Variants in IQCM observed in about 807,000 individuals in gnomAD.
The protein encoded by IQCM is IQ motif containing M, also known as IQ domain-containing protein M.
In IQCM, 45 loss-of-function variants were observed where a neutral mutation model predicts 57.6. That is an observed-to-expected ratio of 0.78 (90% confidence interval 0.62 to 1.00). IQCM has a LOEUF of 1.00. Ranked by LOEUF, IQCM falls within the 50% of genes least tolerant of loss-of-function variation. The pLI is 0.00. For synonymous variants in IQCM, 148 were observed against 158.9 expected (o/e 0.93, Z 0.51); for missense variants, 468 against 511.6 (o/e 0.91, Z 0.82).
At chr4:149,579,710 A>G (rs998988191) in intron 9 of IQCM, among the ~76,000 whole-genome samples, 2 of 151,850 alleles carry the variant, frequency 1.3e-5, no homozygotes, top group Admixed American at 6.6e-5. Flanking sequence ...AAGTAATCCT[A>G]AAGAAAACAG....
At chr4:149,792,464 T>C (rs1772724378) in intron 2 of IQCM, among the ~76,000 whole-genome samples, 3 of 152,154 alleles carry the variant, frequency 2.0e-5, no homozygotes, top group Non-Finnish European at 2.9e-5. Context: ...TGTAAAGTAT[T>C]ATAATTTAAA....
intron 12 of IQCM, among the ~76,000 whole-genome samples, chr4:149,521,691 G>C (rs1745662423): frequency 6.6e-6 from 1 of 152,166 alleles, no homozygotes; most frequent in Non-Finnish European, 1.5e-5. Context: ...TGGACTAATT[G>C]GGTGTGACTG....
At chr4:149,733,116 T>C in intron 5 of IQCM, 128 bp downstream of exon 5, 1 of 856,688 alleles carries the variant, frequency 1.2e-6, no homozygotes, top group Non-Finnish European at 1.5e-6. Flanking sequence ...CAGGCCTCCC[T>C]ACCTTTCATT....
chr4:149,589,504 T>C (rs1752932151), intron 8 of IQCM, among the ~76,000 whole-genome samples: 2 of 152,026 alleles, frequency 1.3e-5, no homozygotes, highest in African/African-American at 4.8e-5. Flanking sequence ...CATACACTGA[T>C]TTCTAAAACA....
intron 13 of IQCM, among the ~76,000 whole-genome samples, chr4:149,362,728 T>C (rs1444697359): frequency 6.6e-6 from 1 of 152,174 alleles, no homozygotes; most frequent in East Asian, 1.9e-4. Context: ...ATACAACTAA[T>C]GTTGTTATAT....
intron 7 of IQCM, among the ~76,000 whole-genome samples, chr4:149,659,578 C>G (rs370621130): frequency 6.6e-6 from 1 of 152,132 alleles, no homozygotes; most frequent in South Asian, 2.1e-4. Context: ...TGACTTCAAA[C>G]TATACTACAA....
At chr4:149,718,280 T>C (rs1353646082) in intron 5 of IQCM, among the ~76,000 whole-genome samples, 1 of 152,228 alleles carries the variant, frequency 6.6e-6, no homozygotes, top group Non-Finnish European at 1.5e-5. Context: ...GGTGCTACCA[T>C]AACTCTGATT....
intron 13 of IQCM, among the ~76,000 whole-genome samples, chr4:149,380,570 A>T (rs1731007495): frequency 6.6e-6 from 1 of 152,182 alleles, no homozygotes; most frequent in African/African-American, 2.4e-5. Flanking sequence ...AACTGGCCAG[A>T]TTCTCTTTCG....
At chr4:149,492,537 CA>C (rs1354854410) in intron 12 of IQCM, among the ~76,000 whole-genome samples, 1 of 152,074 alleles carries the variant, frequency 6.6e-6, no homozygotes, top group Non-Finnish European at 1.5e-5. Flanking sequence ...TCAACTTGAA[CA>C]TTTTAATATA....
At chr4:149,719,299 G>A (rs1181922693) in intron 5 of IQCM, among the ~76,000 whole-genome samples, 1 of 150,076 alleles carries the variant, frequency 6.7e-6, no homozygotes, top group Non-Finnish European at 1.5e-5. Context: ...ACCCAAGACT[G>A]CATCATTGCA....
intron 1 of IQCM, 21 bp downstream of exon 1, chr4:149,815,579 T>G (rs1370522426): frequency 3.9e-5 from 6 of 152,014 alleles, no homozygotes. Flanking sequence ...TTAAGCCAAT[T>G]GATAGTATTT....
In IQCM at chr4:149,587,615, C is replaced by T. The variant is rs141778027; in HGVS notation, c.749+315G>A. The stretch of plus-strand genomic sequence containing the variant: ...GCTAAAACATATGCAGTGTCATTTA[C>T]GGCATTGTCATTTACTGTCATTTAC... On this transcript the variant is annotated intron_variant, in intron 9 of 13. Transcript: ENST00000636793. 2.0e-4 allele frequency among the ~76,000 whole-genome samples: 31 copies of T among 151,854 alleles called. No homozygotes were observed. In the East Asian group the frequency reaches 5.3e-3, roughly 26 times the overall value.
intron 13 of IQCM, among the ~76,000 whole-genome samples, chr4:149,352,758 A>G (rs1404278853): frequency 1.3e-5 from 2 of 152,196 alleles, no homozygotes; most frequent in East Asian, 3.8e-4. Flanking sequence ...TATTTAAATT[A>G]ACATAAACCA....
intron 7 of IQCM, among the ~76,000 whole-genome samples, chr4:149,661,270 C>T (rs1208197018): frequency 3.9e-5 from 6 of 152,118 alleles, no homozygotes; most frequent in Admixed American, 1.3e-4. Flanking sequence ...TATTGATTTG[C>T]ATATGTTGAA....
chr4:149,688,657 G>A (rs1762723735), intron 5 of IQCM, among the ~76,000 whole-genome samples: 1 of 151,930 alleles, frequency 6.6e-6, no homozygotes, highest in Non-Finnish European at 1.5e-5. Context: ...GCAAGACTAA[G>A]CAAAAAGAAC....
intron 5 of IQCM, among the ~76,000 whole-genome samples, chr4:149,696,640 T>C (rs1763361720): frequency 6.6e-6 from 1 of 152,132 alleles, no homozygotes. Flanking sequence ...AAAGAGACAT[T>C]TTAATGCAGT....
chr4:149,729,383 A>C (rs1440988781), intron 5 of IQCM, among the ~76,000 whole-genome samples: 1 of 152,178 alleles, frequency 6.6e-6, no homozygotes, highest in East Asian at 1.9e-4. Flanking sequence ...TCTCTAAAAA[A>C]ATCTGTTAGG....
At chr4:149,658,603 A>G (rs990167908) in intron 7 of IQCM, among the ~76,000 whole-genome samples, 3 of 152,010 alleles carry the variant, frequency 2.0e-5, no homozygotes, top group African/African-American at 7.2e-5. Flanking sequence ...AATTCTTCCA[A>G]TTCATGAACA....
intron 5 of IQCM, among the ~76,000 whole-genome samples, chr4:149,689,617 G>C (rs1020527030): frequency 5.3e-5 from 8 of 151,806 alleles, no homozygotes; most frequent in Non-Finnish European, 1.0e-4. Context: ...ACAGCAAAAG[G>C]AACAGTCAGC....
Sources: gnomAD v4.1 joint callset for allele counts (sites outside exome capture counted in the v4.1 genomes callset) on GRCh38, gnomAD v4.1.1 for gene constraint, MANE v1.5 for transcripts, NCBI Gene and HGNC (gene_info 2026-07-23, HGNC 2026-07-21) for gene names.